CRACDL: variants seen among roughly 807,000 people sequenced by gnomAD.
CRACDL encodes the protein CRACD like, also known as CRACD-like protein.
In CRACDL, 26 loss-of-function variants were observed where a neutral mutation model predicts 70.6. That is an observed-to-expected ratio of 0.37 (90% CI 0.27 to 0.51). The LOEUF is 0.51. Among genes scored for constraint, CRACDL ranks in the 20% least tolerant of loss-of-function variants. The pLI is 0.94. For synonymous variants in CRACDL, 618 were observed against 615.2 expected (o/e 1.00, Z -0.07); for missense variants, 1,283 against 1,376.9 (o/e 0.93, Z 1.08).
chr2:98,910,365 C>T (rs1708517920), intron 1 of CRACDL, among the ~76,000 whole-genome samples: 1 of 151,736 alleles, frequency 6.6e-6, no homozygotes, highest in African/African-American at 2.4e-5. Flanking sequence ...ACTAAAAATA[C>T]AAAAAATTAG....
chr2:98,886,229 A>G (rs575648896), intron 1 of CRACDL, among the ~76,000 whole-genome samples: 7 of 152,288 alleles, frequency 4.6e-5, no homozygotes, highest in Admixed American at 2.0e-4. Flanking sequence ...TCCCTGAAAA[A>G]CCTCACTTGC....
At chr2:98,904,636 G>A (rs116729525) in intron 1 of CRACDL, among the ~76,000 whole-genome samples, 114 of 152,316 alleles carry the variant, frequency 7.5e-4, no homozygotes, top group South Asian at 2.1e-3. Flanking sequence ...GAAGAACAAA[G>A]CCACCTTTAA....
rs1453501573 is a variant in CRACDL at position 98,827,093 on chromosome 2, A to C, written c.617T>G (p.Val206Gly). Residue 206 changes from valine (V) to glycine (G), a missense_variant, in exon 6 of 10, where the codon GTG becomes GGG. By Grantham distance (109) the Val-to-Gly change is moderately radical. This residue lies in a region of CRACDL where 362 missense variants were observed against 495.0 expected (regional missense o/e 0.73). Coordinates refer to ENST00000397899, the MANE Select transcript of CRACDL (RefSeq NM_207362.3). The part of the protein sequence containing the change: ...ARISDNSLAP[V>G]ADFSYPAESS... Reference sequence around the variant, plus strand: ...TTCTGCAGGATAACTGAAGTCAGCCACTGGTGCCAGGCTGTTGTCTGAGAT... The same window carrying C: ...TTCTGCAGGATAACTGAAGTCAGCCCCTGGTGCCAGGCTGTTGTCTGAGAT... The C allele has an allele frequency of 2.5e-6, 4 of 1,614,148 alleles. No homozygotes were observed. In the South Asian group the frequency reaches 4.4e-5, roughly 18 times the overall value.
In CRACDL at chr2:98,832,340, G is replaced by T; in HGVS notation, c.540+8C>A. 6.2e-7 allele frequency: 1 copy of T among 1,614,020 alleles called. No homozygotes were observed. The highest frequency in any genetic ancestry group is 8.5e-7 in the Non-Finnish European group (1 of 1,179,958). On this transcript the variant is annotated splice_region_variant and intron_variant, in intron 5 of 9. Coordinates refer to ENST00000397899, the MANE Select transcript of CRACDL (RefSeq NM_207362.3). ...ATGAAGACATGCAGTGGTACAGGCC[G>T]CACTTGCCTTTATGGTGGTACCAGG...
Position 98,883,208 on chromosome 2 carries a change from G to A in CRACDL, c.-10-36398C>T, listed in dbSNP as rs543326824. Among the ~76,000 whole-genome samples the A allele has an allele frequency of 8.5e-5, 13 of 152,352 alleles. No homozygotes were observed. In the South Asian group the frequency reaches 2.7e-3, roughly 32 times the overall value. Reference sequence around the variant, plus strand: ...TATTCTGTGCCCATTGGGAGCAGGGGCGGGGTGCCCTAGGGCAGGGCAGGT... The same window carrying A: ...TATTCTGTGCCCATTGGGAGCAGGGACGGGGTGCCCTAGGGCAGGGCAGGT... On this transcript the variant is annotated intron_variant, in intron 1 of 9. Transcript: ENST00000397899.
chr2:98,829,027 G>A (rs1050763775), intron 5 of CRACDL, among the ~76,000 whole-genome samples: 1 of 152,238 alleles, frequency 6.6e-6, no homozygotes, highest in African/African-American at 2.4e-5. Context: ...TAAACATTTG[G>A]TTAAAAAGAA....
intron 7 of CRACDL, among the ~76,000 whole-genome samples, chr2:98,819,579 C>T (rs897676618): frequency 6.6e-6 from 1 of 152,156 alleles, no homozygotes; most frequent in Non-Finnish European, 1.5e-5. Context: ...GGGAAGGCCA[C>T]ATGTGTGGGC....
At chr2:98,924,152 A>T (rs969813381) in intron 1 of CRACDL, among the ~76,000 whole-genome samples, 3 of 152,146 alleles carry the variant, frequency 2.0e-5, no homozygotes, top group African/African-American at 7.2e-5. Flanking sequence ...CAAGCAGTTC[A>T]CTCAGGTTCA....
intron 7 of CRACDL, among the ~76,000 whole-genome samples, chr2:98,799,835 C>A (rs1283362206): frequency 6.6e-6 from 1 of 152,198 alleles, no homozygotes; most frequent in African/African-American, 2.4e-5. Flanking sequence ...CGTGGCTGCA[C>A]ATCCTCTCTG....
rs376930758 is a variant in CRACDL, at chr2:98,797,524, C to A, written c.2430G>T (p.Pro810=). 6.2e-7 allele frequency: 1 copy of A among 1,613,802 alleles called. No individual in the cohort carries two copies. The highest frequency in any genetic ancestry group is 1.7e-5 in the Admixed American group (1 of 60,024). Reference sequence around the variant, plus strand: ...CAGCTCCAGGCCCTGTTGCTGCAGGCGGCAGACTCTTTTCTGTTGGGTAAA... The same window carrying A: ...CAGCTCCAGGCCCTGTTGCTGCAGGAGGCAGACTCTTTTCTGTTGGGTAAA... ...PLRRGAEKSL[P]PAATGPGADG... Residue 810 remains proline (P), a synonymous_variant, in exon 8 of 10, where the codon CCG becomes CCT. Transcript: ENST00000397899.
At chr2:98,812,681 C>G (rs1704622513) in intron 7 of CRACDL, among the ~76,000 whole-genome samples, 1 of 151,304 alleles carries the variant, frequency 6.6e-6, no homozygotes, top group African/African-American at 2.4e-5. Flanking sequence ...ATGTCTTTTG[C>G]CCGTTTTCTA....
At chr2:98,928,600 A>G (rs1280613037) in intron 1 of CRACDL, among the ~76,000 whole-genome samples, 1 of 152,188 alleles carries the variant, frequency 6.6e-6, no homozygotes, top group Non-Finnish European at 1.5e-5. Context: ...CGAGAGGCTG[A>G]CGCAGGCCCA....
chr2:98,912,232 G>T (rs1708561369), intron 1 of CRACDL, among the ~76,000 whole-genome samples: 1 of 152,252 alleles, frequency 6.6e-6, no homozygotes, highest in African/African-American at 2.4e-5. Flanking sequence ...ACAATTCTCT[G>T]CCTTTTAACA....
At chr2:98,807,673 G>T (rs1704371421) in intron 7 of CRACDL, among the ~76,000 whole-genome samples, 1 of 152,220 alleles carries the variant, frequency 6.6e-6, no homozygotes, top group Non-Finnish European at 1.5e-5. Flanking sequence ...TTACTAAATA[G>T]AATTGTTGTT....
At position 98,822,114 on chromosome 2, in the gene CRACDL, G is replaced by A. The variant is rs1310306610; in HGVS notation, c.2159C>T (p.Thr720Ile). The A allele has an allele frequency of 1.3e-6, 2 of 1,581,550 alleles. No individual in the cohort carries two copies. The highest frequency in any genetic ancestry group is 1.7e-6 in the Non-Finnish European group (2 of 1,163,904). ...SAEVRLERSLTVLPKEEKCPL... is the reference protein window; with the variant it reads ...SAEVRLERSLIVLPKEEKCPL... Reference sequence around the variant, plus strand: ...ACACTTCTCCTCCTTCGGGAGCACGGTCAGCGACCTTTCTAACCGGACCTC... The same window carrying A: ...ACACTTCTCCTCCTTCGGGAGCACGATCAGCGACCTTTCTAACCGGACCTC... Residue 720 changes from threonine (T) to isoleucine (I), a missense_variant, in exon 7 of 10, where the codon ACC becomes ATC. By Grantham distance (89) the Thr-to-Ile change is moderately conservative (BLOSUM62 -1). This residue lies in a region of CRACDL where 921 missense variants were observed against 881.9 expected (regional missense o/e 1.04). Coordinates refer to ENST00000397899, the MANE Select transcript of CRACDL (RefSeq NM_207362.3). This position sits in a 1 kb window ranked among gnomAD's most constrained non-coding sequence, Gnocchi z 4.9.
intron 1 of CRACDL, among the ~76,000 whole-genome samples, chr2:98,886,761 GAAC>G (rs1177813502): frequency 1.3e-5 from 2 of 151,912 alleles, no homozygotes; most frequent in Admixed American, 6.6e-5. Context: ...AATAAACAAA[GAAC>G]AACAACAACA....
intron 1 of CRACDL, among the ~76,000 whole-genome samples, chr2:98,898,350 C>A (rs1215988081): frequency 6.6e-6 from 1 of 152,214 alleles, no homozygotes; most frequent in African/African-American, 2.4e-5. Flanking sequence ...AGAAGACATG[C>A]CCACAGTAAA....
chr2:98,894,078 C>G (rs1456365441), intron 1 of CRACDL, among the ~76,000 whole-genome samples: 2 of 152,224 alleles, frequency 1.3e-5, no homozygotes, highest in African/African-American at 4.8e-5. Context: ...CGTGCCTGCA[C>G]TCACCTCCCC....
intron 3 of CRACDL, among the ~76,000 whole-genome samples, chr2:98,836,019 A>C (rs1705764475): frequency 6.6e-6 from 1 of 152,178 alleles, no homozygotes; most frequent in Non-Finnish European, 1.5e-5. Context: ...GGGAATTGGG[A>C]GAATATAGGA....
Sources: gnomAD v4.1 joint callset for allele counts (sites outside exome capture counted in the v4.1 genomes callset) on GRCh38, gnomAD v4.1.1 for gene constraint, gnomAD v4.1.1 regional missense constraint, Gnocchi (gnomAD v3.1) non-coding constraint, MANE v1.5 for transcripts, NCBI Gene and HGNC (gene_info 2026-07-23, HGNC 2026-07-21) for gene names.